NTMT1: variants seen among roughly 807,000 people sequenced by gnomAD.
NTMT1 encodes N-terminal Xaa-Pro-Lys N-methyltransferase 1, also known as N-terminal RCC1 methyltransferase.
Under a neutral mutation model 17.5 loss-of-function variants are expected in NTMT1, and 8 were observed. The observed-to-expected ratio is 0.46, with a 90% CI of 0.27 to 0.82. The LOEUF (loss-of-function observed/expected upper bound fraction) is 0.82, where lower values mean the gene tolerates loss of function less well. NTMT1 is among the 40% of genes least tolerant of loss of function. The pLI is 0.15. For missense variants in NTMT1, 221 were observed against 303.5 expected, an observed-to-expected ratio of 0.73 and a Z score of 2.02; for synonymous variants, 128 against 126.8, an observed-to-expected ratio of 1.01 and a Z score of -0.06.
intron 1 of NTMT1, chr9:129,612,523 G>C: frequency 8.0e-7 from 1 of 1,248,666 alleles, no homozygotes; most frequent in Non-Finnish European, 1.2e-6. Flanking sequence ...CTCCCAGTGG[G>C]ATTCTGTGCT....
At chr9:129,618,343 A>T (rs1376386255) in intron 1 of NTMT1, among the ~76,000 whole-genome samples, 1 of 152,156 alleles carries the variant, frequency 6.6e-6, no homozygotes, top group Non-Finnish European at 1.5e-5. Flanking sequence ...TATTCAACAT[A>T]TAGTAAAACC....
At chr9:129,634,380 C>T in intron 3 of NTMT1, 74 bp downstream of exon 3, 1 of 1,513,798 alleles carries the variant, frequency 6.6e-7, no homozygotes, top group South Asian at 1.3e-5. Flanking sequence ...GGTGTCAGGA[C>T]CAGGGCTTTG....
At chr9:129,610,842 G>A (rs1048532020) in intron 1 of NTMT1, among the ~76,000 whole-genome samples, 2 of 152,186 alleles carry the variant, frequency 1.3e-5, no homozygotes, top group African/African-American at 4.8e-5. Flanking sequence ...GTAGAATCAG[G>A]CCTGCTGAGA....
Position 129,613,221 on chromosome 9 carries a change from A to T in NTMT1, c.-55+4043A>T. ...GGCTGCTGTTCATGGAGGTGTCCTC[A>T]GAAAGGTAGCCCTGTGTCTTCTGGG... On this transcript the variant is annotated intron_variant, in intron 1 of 3. Transcript: ENST00000372486. This position sits in a 1 kb window ranked among gnomAD's most constrained non-coding sequence, Gnocchi z 6.2. The T allele has an allele frequency of 6.2e-7, 1 of 1,612,688 alleles. No homozygotes were observed. Among genetic ancestry groups the T allele is most frequent in the South Asian group, 1.1e-5 (1 of 91,064 alleles).
chr9:129,635,361 T>G lies in NTMT1; in HGVS notation c.569T>G (p.Val190Gly), dbSNP rs762271965. Reference sequence around the variant, plus strand: ...AGCGTGTGCCGGGACCTTGACGTGGTCCGCAGGATCATCTGCAGTGCAGGC... The same window carrying G: ...AGCGTGTGCCGGGACCTTGACGTGGGCCGCAGGATCATCTGCAGTGCAGGC... ...DSSVCRDLDV[V>G]RRIICSAGLS... is the part of the protein sequence containing the mutation. The change falls in exon 4 of 4, where the codon GTC becomes GGC. Residue 190 changes from valine to glycine, a missense_variant. Physicochemically the swap from Val to Gly is moderately radical, Grantham distance 109. Transcript: ENST00000372483. 6.2e-7 allele frequency: 1 copy of G among 1,613,666 alleles called. No homozygotes were observed. Among genetic ancestry groups the G allele is most frequent in the Non-Finnish European group, 8.5e-7 (1 of 1,180,016 alleles).
Position 129,635,395 on chromosome 9 carries a change from C to T in NTMT1, c.603C>T (p.Leu201=). ...RRIICSAGLS[L]LAEERQENLP... The stretch of plus-strand genomic sequence containing the variant: ...TCATCTGCAGTGCAGGCCTCAGCCT[C>T]CTGGCCGAGGAGAGGCAGGAGAACC... Residue 201 remains leucine (L), a synonymous_variant, in exon 4 of 4, where the codon CTC becomes CTT. Transcript: ENST00000372483. 6.2e-7 allele frequency: 1 copy of T among 1,613,584 alleles called. No homozygotes were observed. Among genetic ancestry groups the T allele is most frequent in the Non-Finnish European group, 8.5e-7 (1 of 1,179,908 alleles).
At chr9:129,622,793 C>G (rs573476056), upstream of NTMT1, among the ~76,000 whole-genome samples, 2 of 152,022 alleles carry the variant, frequency 1.3e-5, no homozygotes, top group Non-Finnish European at 2.9e-5. Flanking sequence ...TTTGGGAGAC[C>G]GAGGCAGGTG....
chr9:129,630,898 G>A (rs955625851), intron 1 of NTMT1, among the ~76,000 whole-genome samples: 9 of 152,204 alleles, frequency 5.9e-5, no homozygotes, highest in East Asian at 1.9e-4. Context: ...TCCTCAGCAC[G>A]GCCACTGCCA....
At position 129,620,421 on chromosome 9, in the gene NTMT1, A is replaced by G; in HGVS notation, c.-55+11243A>G. The G allele has an allele frequency of 8.0e-7, 1 of 1,252,184 alleles. No individual in the cohort carries two copies. Among genetic ancestry groups the G allele is most frequent in the East Asian group, 3.2e-5 (1 of 31,596 alleles). 77.6% of individuals were successfully genotyped at this position (1,252,184 alleles called of 1,614,324 possible). On this transcript the variant is annotated intron_variant, in intron 1 of 3. Transcript: ENST00000372486. The surrounding 1 kb of genome is among the most constrained non-coding windows in gnomAD (Gnocchi z 5.8). ...GCGGCGCCGCCCCCCGGGATCCTCC[A>G]GTCCCCGGAGCCCCGCGCGCCCAGA... is the stretch of plus-strand genomic sequence containing the variant.
Position 129,620,511 on chromosome 9 carries a change from C to T in NTMT1, c.-55+11333C>T, listed in dbSNP as rs56148509. ...GGGTCGCTGCTGCGTCGGAAGTCTC[C>T]GTCGCCAGGGAGCCCCTTGGGCGCC... On this transcript the variant is annotated intron_variant, in intron 1 of 3. Coordinates refer to the NTMT1 transcript ENST00000372486. This position sits in a 1 kb window ranked among gnomAD's most constrained non-coding sequence, Gnocchi z 5.8. 2.1e-6 allele frequency: 3 copies of T among 1,438,598 alleles called. No individual in the cohort carries two copies. Among genetic ancestry groups the T allele is most frequent in the African/African-American group, 1.5e-5 (1 of 68,454 alleles). The allele number at this position is 1,438,598 out of a possible 1,614,324, so 89.1% of individuals were successfully genotyped here. A position where few individuals can be genotyped will look rare whatever the true frequency, so the allele number is the denominator to read the frequency against.
chr9:129,615,584 T>C, intron 1 of NTMT1: 2 of 1,606,930 alleles, frequency 1.2e-6, no homozygotes. Context: ...GCCTAGAGCC[T>C]TCCCCCGAGG....
In NTMT1 at chr9:129,634,274, C is replaced by G. The variant is rs1336828531; in HGVS notation, c.383C>G (p.Ser128Cys). Reference sequence around the variant, plus strand: ...CAGGACTTCACCCCGGAGCCGGACTCTTACGACGTGATCTGGATCCAGTGG... The same window carrying G: ...CAGGACTTCACCCCGGAGCCGGACTGTTACGACGTGATCTGGATCCAGTGG... ...GLQDFTPEPD[S>C]YDVIWIQWVI... Residue 128 changes from serine to cysteine, a missense_variant, in exon 3 of 4, where the codon TCT (serine) becomes TGT (cysteine). Physicochemically the swap from Ser to Cys is moderately radical, Grantham distance 112. Transcript: ENST00000372483. 2 of 1,611,552 alleles carry G rather than the reference C, an allele frequency of 1.2e-6. No individual in the cohort carries two copies. Among genetic ancestry groups the G allele is most frequent in the Middle Eastern group, 1.7e-4 (1 of 6,052 alleles).
At chr9:129,611,543 A>C (rs1157297828) in intron 1 of NTMT1, among the ~76,000 whole-genome samples, 1 of 152,208 alleles carries the variant, frequency 6.6e-6, no homozygotes, top group Admixed American at 6.5e-5. Context: ...GCATGAGACC[A>C]ACACAGGGCT....
At chr9:129,625,671 G>T (rs1382432757), upstream of NTMT1, among the ~76,000 whole-genome samples, 4 of 152,124 alleles carry the variant, frequency 2.6e-5, no homozygotes, top group Non-Finnish European at 5.9e-5. Context: ...TTCAAGATCA[G>T]CCTGAGCAAC....
intron 3 of NTMT1, 125 bp downstream of exon 3, chr9:129,634,431 G>A (rs1375711658): frequency 5.0e-5 from 49 of 976,260 alleles, no homozygotes; most frequent in Middle Eastern, 3.2e-4. Flanking sequence ...TCCCCACCCC[G>A]CCCAGGCCCA....
chr9:129,629,389 A>C (rs985439880), intron 1 of NTMT1, among the ~76,000 whole-genome samples: 2 of 151,210 alleles, frequency 1.3e-5, no homozygotes, highest in Admixed American at 1.3e-4. Context: ...AGAAGAATTC[A>C]TTCTTCTTCT....
intron 2 of NTMT1, among the ~76,000 whole-genome samples, chr9:129,633,844 TAAAGG>T (rs1021478359): frequency 1.2e-4 from 18 of 152,110 alleles, no homozygotes; most frequent in African/African-American, 4.1e-4. Context: ...CTTTCAAAGA[TAAAGG>T]AATGTGTGGC....
At position 129,620,471 on chromosome 9, in the gene NTMT1, A is replaced by G. The variant is rs1830640400; in HGVS notation, c.-55+11293A>G. 3 of 1,357,616 alleles carry G rather than the reference A, an allele frequency of 2.2e-6. No individual in the cohort carries two copies. The highest frequency in any genetic ancestry group is 2.9e-6 in the Non-Finnish European group (3 of 1,051,378). 84.1% of individuals were successfully genotyped at this position (1,357,616 alleles called of 1,614,324 possible). ...AGCCGCTCGGAGCGCGGGCGGGGTC[A>G]GCTTGGGCAGCCGCGGGTCGCTGCT... is the stretch of plus-strand genomic sequence containing the variant. On this transcript the variant is annotated intron_variant, in intron 1 of 3. Transcript: ENST00000372486. This position sits in a 1 kb window ranked among gnomAD's most constrained non-coding sequence, Gnocchi z 5.8.
At chr9:129,631,816 C>T (rs1249711299) in intron 1 of NTMT1, among the ~76,000 whole-genome samples, 5 of 152,206 alleles carry the variant, frequency 3.3e-5, no homozygotes, top group African/African-American at 4.8e-5. Flanking sequence ...TCCCCGCACC[C>T]GACTCCACTT....
Sources: gnomAD v4.1 joint callset for allele counts (sites outside exome capture counted in the v4.1 genomes callset) on GRCh38, gnomAD v4.1.1 for gene constraint, Gnocchi (gnomAD v3.1) non-coding constraint, MANE v1.5 for transcripts, NCBI Gene and HGNC (gene_info 2026-07-23, HGNC 2026-07-21) for gene names.